ASXL3: variants seen among roughly 807,000 people sequenced by gnomAD.
The protein encoded by ASXL3 is putative Polycomb group protein ASXL3.
A neutral mutation model predicts 170.6 loss-of-function variants in ASXL3; 34 were observed. The ratio of observed to expected loss-of-function variants is 0.20; its 90% CI spans 0.15 to 0.27. ASXL3 has a LOEUF of 0.27. Ranked by LOEUF, ASXL3 falls within the 10% of genes least tolerant of loss-of-function variation. The pLI is 1.00. For missense variants in ASXL3, 2,592 were observed against 2,695.3 expected, an observed-to-expected ratio of 0.96 and a Z score of 0.85; for synonymous variants, 1,002 against 989.1, an observed-to-expected ratio of 1.01 and a Z score of -0.24.
intron 8 of ASXL3, among the ~76,000 whole-genome samples, chr18:33,717,868 A>G (rs1362100602): frequency 6.6e-6 from 1 of 152,138 alleles, no homozygotes; most frequent in African/African-American, 2.4e-5. Context: ...CAGCTAATTC[A>G]TTTAATAAGA....
chr18:33,742,085 G>T (rs78592737), intron 11 of ASXL3, among the ~76,000 whole-genome samples: 6 of 152,196 alleles, frequency 3.9e-5, no homozygotes, highest in Non-Finnish European at 7.4e-5. Context: ...ACTGCCCAAT[G>T]CATAAATCCT....
intron 8 of ASXL3, among the ~76,000 whole-genome samples, chr18:33,694,710 T>C (rs2066743538): frequency 1.3e-5 from 2 of 152,278 alleles, no homozygotes; most frequent in African/African-American, 4.8e-5. Flanking sequence ...GTTAAATAAC[T>C]AGTCACTGAA....
chr18:33,652,347 G>A (rs887663997), intron 4 of ASXL3, among the ~76,000 whole-genome samples: 3 of 151,756 alleles, frequency 2.0e-5, no homozygotes, highest in African/African-American at 4.8e-5. Flanking sequence ...GACAGTCTTC[G>A]CTCTCTTCAT....
intron 1 of ASXL3, among the ~76,000 whole-genome samples, chr18:33,590,984 C>T (rs1170707646): frequency 6.6e-6 from 1 of 152,244 alleles, no homozygotes; most frequent in African/African-American, 2.4e-5. Context: ...CAAGAAGAAC[C>T]TTTATTGATC....
chr18:33,654,236 C>T (rs2066047066), intron 4 of ASXL3, among the ~76,000 whole-genome samples: 1 of 151,978 alleles, frequency 6.6e-6, no homozygotes, highest in South Asian at 2.1e-4. Context: ...AATATGATCT[C>T]ATAATAAAAC....
At chr18:33,662,261 G>A (rs1467649239) in intron 5 of ASXL3, among the ~76,000 whole-genome samples, 1 of 152,132 alleles carries the variant, frequency 6.6e-6, no homozygotes, top group Non-Finnish European at 1.5e-5. Context: ...GAGGCAGTAC[G>A]GGCCTTTGTG....
chr18:33,593,887 A>G (rs891137048), intron 1 of ASXL3, among the ~76,000 whole-genome samples: 2 of 152,220 alleles, frequency 1.3e-5, no homozygotes, highest in African/African-American at 4.8e-5. Flanking sequence ...TAAGGTCACA[A>G]AACAAAATCT....
At chr18:33,670,202 T>C (rs1348908081) in intron 5 of ASXL3, among the ~76,000 whole-genome samples, 1 of 152,248 alleles carries the variant, frequency 6.6e-6, no homozygotes, top group Non-Finnish European at 1.5e-5. Context: ...AGTGCATCAA[T>C]ACTGTAGTCC....
chr18:33,729,313 C>T (rs2067403585), intron 8 of ASXL3, among the ~76,000 whole-genome samples: 1 of 152,168 alleles, frequency 6.6e-6, no homozygotes, highest in Non-Finnish European at 1.5e-5. Flanking sequence ...AGTCTGTTGT[C>T]TCTCATGAAC....
chr18:33,737,596 T>C lies in ASXL3; in HGVS notation c.1083-891T>C, dbSNP rs1258168680. 2.0e-5 allele frequency among the ~76,000 whole-genome samples: 3 copies of C among 152,162 alleles called. No individual in the cohort carries two copies. In the East Asian group the frequency reaches 5.8e-4, roughly 29 times the overall value. ...CTTGATTTTCTGTACCTATCACGTA[T>C]GGAATATCTTTACAGTAAGAGATCT... On this transcript the variant is annotated intron_variant, in intron 10 of 11. Transcript: ENST00000269197.
intron 4 of ASXL3, among the ~76,000 whole-genome samples, chr18:33,657,879 TA>T (rs2066109353): frequency 1.3e-5 from 2 of 152,214 alleles, no homozygotes; most frequent in Admixed American, 6.5e-5. Flanking sequence ...TTATACCTTT[TA>T]AAAAATGTGG....
chr18:33,604,565 G>A (rs2065223596), intron 1 of ASXL3, among the ~76,000 whole-genome samples: 1 of 151,930 alleles, frequency 6.6e-6, no homozygotes, highest in Non-Finnish European at 1.5e-5. Context: ...CTCAGCAATT[G>A]ATGGAAAGAT....
At position 33,689,403 on chromosome 18, in the gene ASXL3, A is replaced by G. The variant is rs747472006; in HGVS notation, c.879+5835A>G. Among the ~76,000 whole-genome samples the G allele has an allele frequency of 1.2e-3, 180 of 152,346 alleles. 1 individual carries two copies. The highest frequency in any genetic ancestry group is 3.3e-3 in the Admixed American group (50 of 15,304). Reference sequence around the variant, plus strand: ...GATTATCATGTAATTCTTAGATTCTATCCAAATTTAGCCAGTTGTCCCAGT... The same window carrying G: ...GATTATCATGTAATTCTTAGATTCTGTCCAAATTTAGCCAGTTGTCCCAGT... On this transcript the variant is annotated intron_variant, in intron 8 of 11. Transcript: ENST00000269197.
intron 8 of ASXL3, among the ~76,000 whole-genome samples, chr18:33,729,114 C>T (rs932254516): frequency 3.3e-5 from 5 of 149,926 alleles, no homozygotes; most frequent in African/African-American, 7.5e-5. Flanking sequence ...TCTTTCCTCC[C>T]GAAACAGGGC....
intron 2 of ASXL3, among the ~76,000 whole-genome samples, chr18:33,635,341 T>C (rs2065748117): frequency 6.6e-6 from 1 of 152,178 alleles, no homozygotes; most frequent in South Asian, 2.1e-4. Flanking sequence ...ATCCATCAGG[T>C]TGATCTTCAA....
At chr18:33,652,516 G>C (rs548277967) in intron 4 of ASXL3, among the ~76,000 whole-genome samples, 39 of 147,092 alleles carry the variant, frequency 2.7e-4, no homozygotes, top group African/African-American at 9.6e-4. Context: ...ATCAAAAAAG[G>C]TTCTGCTTGC....
intron 1 of ASXL3, among the ~76,000 whole-genome samples, chr18:33,588,409 T>G (rs905055726): frequency 6.6e-6 from 1 of 150,600 alleles, no homozygotes; most frequent in Non-Finnish European, 1.5e-5. Context: ...TCAAAAAGGA[T>G]CTGGAGAATG....
chr18:33,584,401 C>G (rs2065018537), intron 1 of ASXL3, among the ~76,000 whole-genome samples: 1 of 152,096 alleles, frequency 6.6e-6, no homozygotes, highest in African/African-American at 2.4e-5. Flanking sequence ...GAATTAAAGA[C>G]TCACCCCCTA....
rs747979414 is a variant in ASXL3, at chr18:33,739,619, G to A, written c.2215G>A (p.Glu739Lys). ...AGTGTCTTCCATGCTTCTCACCTCT[G>A]AGACCACTTTTGTATCCAGTTTGCC... ...SSVSSMLLTSETTFVSSLPLP... is the reference protein window; with the variant it reads ...SSVSSMLLTSKTTFVSSLPLP... Residue 739 changes from glutamate (E) to lysine (K), a missense_variant, in exon 11 of 12, where the codon GAG becomes AAG. Glu to Lys is a moderately conservative substitution (Grantham distance 56). Transcript: ENST00000269197. 2 of 1,613,870 alleles carry A rather than the reference G, an allele frequency of 1.2e-6. No individual in the cohort carries two copies. Among genetic ancestry groups the A allele is most frequent in the South Asian group, 2.2e-5 (2 of 91,082 alleles).
Sources: gnomAD v4.1 joint callset for allele counts (sites outside exome capture counted in the v4.1 genomes callset) on GRCh38, gnomAD v4.1.1 for gene constraint, MANE v1.5 for transcripts, NCBI Gene and HGNC (gene_info 2026-07-23, HGNC 2026-07-21) for gene names.